Variants in COQ8A observed in about 807,000 individuals in gnomAD.
COQ8A encodes atypical kinase COQ8A, mitochondrial.
Under a neutral mutation model 65.0 loss-of-function variants are expected in COQ8A, and 51 were observed. The observed-to-expected ratio is 0.78, with a 90% CI of 0.63 to 0.99. The LOEUF is 0.99. COQ8A is among the 50% of genes least tolerant of loss of function. The probability of loss-of-function intolerance (pLI) is 0.00; values close to 1 mark genes in which losing one functional copy is unlikely to be tolerated. For missense variants in COQ8A, 940 were observed against 875.0 expected (o/e 1.07, Z -0.94); for synonymous variants, 371 against 353.2 (o/e 1.05, Z -0.57).
chr1:226,956,795 C>G lies in COQ8A; in HGVS notation c.-9-4582C>G, dbSNP rs867462991. On this transcript the variant is annotated intron_variant, in intron 1 of 14. Transcript: ENST00000366777. ...ACTCTCCCTGGCTCCCACTCTCCCT[C>G]GTTCACACTCTCCCTGGCTGCCACT... Among the ~76,000 whole-genome samples the G allele has an allele frequency of 5.2e-3, 453 of 86,888 alleles. 26 individuals carry two copies. The highest frequency in any genetic ancestry group is 0.022 in the African/African-American group (389 of 17,776). The allele number at this position is 86,888 out of a possible 152,430, so 57.0% of individuals were successfully genotyped here. A position where few individuals can be genotyped will look rare whatever the true frequency, so the allele number is the denominator to read the frequency against.
rs879243520 is a variant in COQ8A at position 226,946,402 on chromosome 1, C to T, written c.-10+6003C>T. Among the ~76,000 whole-genome samples the T allele has an allele frequency of 3.3e-5, 5 of 152,018 alleles. No homozygotes were observed. The highest frequency in any genetic ancestry group is 4.8e-5 in the African/African-American group (2 of 41,376). On this transcript the variant is annotated intron_variant, in intron 1 of 14. Coordinates refer to ENST00000366777, the MANE Select transcript of COQ8A (RefSeq NM_020247.5). This position sits in a 1 kb window ranked among gnomAD's most constrained non-coding sequence, Gnocchi z 5.3. ...CTGGAAAACCTGTGTGGGTGTTGGG[C>T]GGGGCCGGGGGTCCATTCTGGCTGA...
chr1:226,982,862 G>A lies in COQ8A; in HGVS notation c.940-32G>A, dbSNP rs746945985. ...TCTCCCGGTGGCCCAGGCAGGGCAT[G>A]CTCAGAGCCCCTCCCTGGCCCTGCC... On this transcript the variant is annotated intron_variant, in intron 7 of 14. Coordinates refer to ENST00000366777, the MANE Select transcript of COQ8A (RefSeq NM_020247.5). The A allele has an allele frequency of 1.2e-5, 19 of 1,612,560 alleles. No homozygotes were observed. The East Asian group carries it at 4.2e-4, about 36-fold the overall frequency.
chr1:226,967,164 C>T (rs1396745680), intron 4 of COQ8A, among the ~76,000 whole-genome samples: 1 of 152,190 alleles, frequency 6.6e-6, no homozygotes, highest in African/African-American at 2.4e-5. Context: ...GCCTTGGTGG[C>T]CTCTAGTGGT....
At chr1:226,976,275 G>A (rs1237534459) in intron 4 of COQ8A, among the ~76,000 whole-genome samples, 1 of 149,148 alleles carries the variant, frequency 6.7e-6, no homozygotes, top group Admixed American at 6.7e-5. Context: ...TGGCTGCGGG[G>A]CTGCAGGGCT....
intron 10 of COQ8A, 59 bp from the exon 11 acceptor site, chr1:226,984,035 G>A: frequency 8.9e-6 from 11 of 1,242,126 alleles, no homozygotes; most frequent in Admixed American, 2.2e-5. Context: ...GGGTGTGTGT[G>A]GGGGGGGGGA....
At chr1:226,947,631 A>G (rs1337350995) in intron 1 of COQ8A, among the ~76,000 whole-genome samples, 1 of 152,026 alleles carries the variant, frequency 6.6e-6, no homozygotes, top group Non-Finnish European at 1.5e-5. Flanking sequence ...ACATGGTGAA[A>G]CCCTGTCTCT....
At chr1:226,984,344 G>A (rs1659936418) in intron 11 of COQ8A, 109 bp downstream of exon 11, 1 of 1,525,350 alleles carries the variant, frequency 6.6e-7, no homozygotes, top group Non-Finnish European at 8.9e-7. Flanking sequence ...GCTCCCTGGG[G>A]GTGAGGGGCA....
At chr1:226,957,020 A>C (rs1657823820) in intron 1 of COQ8A, among the ~76,000 whole-genome samples, 1 of 98,264 alleles carries the variant, frequency 1.0e-5, no homozygotes, top group African/African-American at 4.1e-5. Context: ...CCTGGCTGCC[A>C]CTCCCTCGTT....
rs1461786365 is a variant in COQ8A at position 226,982,744 on chromosome 1, T to C, written c.920T>C (p.Met307Thr). 2 of 1,613,678 alleles carry C rather than the reference T, an allele frequency of 1.2e-6. No individual in the cohort carries two copies. Among genetic ancestry groups the C allele is most frequent in the South Asian group, 2.2e-5 (2 of 91,074 alleles). The change falls in exon 7 of 15, where the codon ATG (methionine) becomes ACG (threonine). Residue 307 changes from methionine to threonine, a missense_variant. Transcript: ENST00000366777. Reference protein sequence around the residue: ...FERVRQSADFMPLKQMMKTLN... With the variant: ...FERVRQSADFTPLKQMMKTLN... The stretch of plus-strand genomic sequence containing the variant: ...CGGGTGCGGCAGAGCGCGGACTTCA[T>C]GCCACTGAAGCAGATGATGGTGAGG...
intron 5 of COQ8A, 82 bp from the exon 6 acceptor site, chr1:226,981,945 C>T: frequency 2.5e-6 from 4 of 1,594,650 alleles, no homozygotes; most frequent in Non-Finnish European, 3.4e-6. Context: ...TTGTCTGAGC[C>T]TCCGTCTGTA....
At chr1:226,950,016 A>G (rs1286026150) in intron 1 of COQ8A, among the ~76,000 whole-genome samples, 1 of 152,228 alleles carries the variant, frequency 6.6e-6, no homozygotes, top group African/African-American at 2.4e-5. Context: ...TAAATGTTTT[A>G]AGCAGTAAAC....
chr1:226,985,440 GC>G, intron 14 of COQ8A, 100 bp downstream of exon 14: 5 of 1,374,140 alleles, frequency 3.6e-6, no homozygotes, highest in Admixed American at 3.4e-5. Context: ...CCCTCAAGGG[GC>G]CCCCAGAGCC....
At position 226,986,354 on chromosome 1, in the gene COQ8A, T is replaced by C. The variant is rs75146933; in HGVS notation, c.1660-99T>C. ...ATGTAATCCAGTTTACAGCAGAGCT[T>C]TGAATGAGAACTCAGCGCCCCGGGC... On this transcript the variant is annotated intron_variant, in intron 14 of 14. Transcript: ENST00000366777. 5,432 of 1,356,672 alleles carry C rather than the reference T, an allele frequency of 4.0e-3. 178 individuals are homozygous for C. The African/African-American group carries it at 0.069, about 17-fold the overall frequency. The allele number at this position is 1,356,672 out of a possible 1,614,324, so 84.0% of individuals were successfully genotyped here. A position where few individuals can be genotyped will look rare whatever the true frequency, so the allele number is the denominator to read the frequency against.
rs368734635 is a variant in COQ8A, at chr1:226,985,360, A to C, written c.1659+20A>C. 1.2e-6 allele frequency: 2 copies of C among 1,612,034 alleles called. No individual in the cohort carries two copies. Among genetic ancestry groups the C allele is most frequent in the African/African-American group, 2.7e-5 (2 of 74,878 alleles). ...GTCAAGGTGAGCAGGGTTGCGGGGG[A>C]TCCCCTGGGCCTGCTGACCCAGGGC... On this transcript the variant is annotated intron_variant, in intron 14 of 14. Transcript: ENST00000366777.
intron 1 of COQ8A, among the ~76,000 whole-genome samples, chr1:226,943,291 G>C (rs1656813321): frequency 1.3e-5 from 2 of 152,238 alleles, no homozygotes; most frequent in South Asian, 4.1e-4. Context: ...GGAATATTTA[G>C]ACAGAGAGTT....
intron 8 of COQ8A, 158 bp from the exon 9 acceptor site, chr1:226,983,394 G>T: frequency 2.7e-6 from 2 of 750,622 alleles, no homozygotes; most frequent in Non-Finnish European, 4.6e-6. Flanking sequence ...ATGGGGTCCA[G>T]GTCACGGCAG....
rs775316680 is a variant in COQ8A at position 226,983,650 on chromosome 1, T to A, written c.1162+17T>A. The A allele has an allele frequency of 6.2e-7, 1 of 1,613,728 alleles. No individual in the cohort carries two copies. The highest frequency in any genetic ancestry group is 8.5e-7 in the Non-Finnish European group (1 of 1,179,892). On this transcript the variant is annotated intron_variant, in intron 9 of 14. Coordinates refer to ENST00000366777, the MANE Select transcript of COQ8A (RefSeq NM_020247.5). ...TTCCAGAAGGTCTGAGGCTAGGTGGTTGGGTCAAGGGCAGGAGTGGGTGGC... is the reference window on the plus strand; with the variant it reads ...TTCCAGAAGGTCTGAGGCTAGGTGGATGGGTCAAGGGCAGGAGTGGGTGGC...
At chr1:226,965,792 C>G in intron 4 of COQ8A, 55 bp downstream of exon 4, 8 of 1,562,268 alleles carry the variant, frequency 5.1e-6, no homozygotes, top group Non-Finnish European at 7.0e-6. Flanking sequence ...GGGCACCACG[C>G]TGCGGCCTGC....
At chr1:226,982,562 C>A in intron 6 of COQ8A, 116 bp from the exon 7 acceptor site, 1 of 1,126,526 alleles carries the variant, frequency 8.9e-7, no homozygotes, top group Non-Finnish European at 1.3e-6. Flanking sequence ...TGGCCTCACC[C>A]GTGCTCCTGG....
Sources: allele counts gnomAD v4.1 joint callset (sites outside exome capture counted in the v4.1 genomes callset), GRCh38; gene constraint gnomAD v4.1.1; non-coding constraint Gnocchi (gnomAD v3.1); transcripts MANE v1.5; gene names NCBI Gene and HGNC (gene_info 2026-07-23, HGNC 2026-07-21).